Variants in RIMS2 observed in about 807,000 individuals in gnomAD.
RIMS2 encodes regulating synaptic membrane exocytosis 2.
Under a neutral mutation model 174.4 loss-of-function variants are expected in RIMS2, and 59 were observed. The ratio of observed to expected loss-of-function variants is 0.34; its 90% CI spans 0.27 to 0.42. The LOEUF is 0.42. RIMS2 is among the 10% of genes least tolerant of loss of function. The pLI is 1.00. For synonymous variants in RIMS2, 606 were observed against 572.5 expected, an observed-to-expected ratio of 1.06 and a Z score of -0.84; for missense variants, 1,620 against 1,666.3, an observed-to-expected ratio of 0.97 and a Z score of 0.48.
intron 12 of RIMS2, among the ~76,000 whole-genome samples, chr8:103,936,229 A>G (rs1231116199): frequency 6.6e-6 from 1 of 152,102 alleles, no homozygotes; most frequent in African/African-American, 2.4e-5. Flanking sequence ...CAATAGGGTG[A>G]TATTTTAAAA....
chr8:104,249,971 G>A (rs1016688293), intron 22 of RIMS2, among the ~76,000 whole-genome samples: 1 of 152,036 alleles, frequency 6.6e-6, no homozygotes, highest in Non-Finnish European at 1.5e-5. Context: ...ATAAGTCTCT[G>A]GAATTAGAAT....
intron 2 of RIMS2, among the ~76,000 whole-genome samples, chr8:103,739,790 CT>C (rs1488068201): frequency 1.3e-5 from 2 of 152,116 alleles, no homozygotes; most frequent in African/African-American, 2.4e-5. Flanking sequence ...CAAGGGATTC[CT>C]TTTTCTGCTT....
chr8:103,746,800 C>T (rs1421466657), intron 2 of RIMS2, among the ~76,000 whole-genome samples: 2 of 152,122 alleles, frequency 1.3e-5, no homozygotes, highest in Non-Finnish European at 2.9e-5. Flanking sequence ...CCTGCCTCAG[C>T]CTCCTGCGTA....
chr8:104,252,134 A>G, downstream of RIMS2: 1 of 361,174 alleles, frequency 2.8e-6, no homozygotes, highest in East Asian at 5.0e-5. Flanking sequence ...GCCCTTTTCA[A>G]TGGCACCTTT....
At chr8:103,750,595 G>T (rs552328944) in intron 2 of RIMS2, among the ~76,000 whole-genome samples, 1 of 152,238 alleles carries the variant, frequency 6.6e-6, no homozygotes, top group Admixed American at 6.5e-5. Flanking sequence ...CACGTGTCAA[G>T]TGTGGGACCA....
rs148935805 is a variant in RIMS2 at position 103,920,141 on chromosome 8, C to T, written c.2084-1531C>T. Among the ~76,000 whole-genome samples the T allele has an allele frequency of 2.6e-3, 399 of 152,250 alleles. 4 individuals are homozygous for T. The highest frequency in any genetic ancestry group is 9.0e-3 in the African/African-American group (373 of 41,554). The stretch of plus-strand genomic sequence containing the variant: ...GTTTCTGAGGAGACAGGGGTCCTTT[C>T]TCAGATTAGATCCAATCTTTTATTC... On this transcript the variant is annotated intron_variant, in intron 9 of 23. Coordinates refer to ENST00000504942, the Ensembl canonical transcript of RIMS2.
chr8:103,894,858 A>T (rs1565170857), intron 4 of RIMS2, among the ~76,000 whole-genome samples: 1 of 151,562 alleles, frequency 6.6e-6, no homozygotes, highest in Non-Finnish European at 1.5e-5. Flanking sequence ...GGCTCTTTAG[A>T]GAAAAAGTTT....
At chr8:104,167,525 GT>G (rs942377153) in intron 19 of RIMS2, among the ~76,000 whole-genome samples, 1 of 151,758 alleles carries the variant, frequency 6.6e-6, no homozygotes, top group Non-Finnish European at 1.5e-5. Context: ...TGGATTATTT[GT>G]TTTTTTCTTG....
intron 3 of RIMS2, among the ~76,000 whole-genome samples, chr8:103,786,941 G>C (rs1051251222): frequency 1.4e-4 from 21 of 151,750 alleles, no homozygotes; most frequent in Non-Finnish European, 2.5e-4. Flanking sequence ...CTTGCTCTAT[G>C]AATCTGGGTG....
At chr8:103,827,272 G>A (rs1435653872) in intron 3 of RIMS2, among the ~76,000 whole-genome samples, 1 of 152,028 alleles carries the variant, frequency 6.6e-6, no homozygotes, top group Non-Finnish European at 1.5e-5. Context: ...CGAGTTGTTT[G>A]CTGCTAGTAT....
At chr8:104,205,280 T>A (rs1239595149) in intron 19 of RIMS2, among the ~76,000 whole-genome samples, 1 of 152,156 alleles carries the variant, frequency 6.6e-6, no homozygotes, top group Non-Finnish European at 1.5e-5. Context: ...TCTCTCTTTC[T>A]CCCTCCTGTG....
intron 2 of RIMS2, among the ~76,000 whole-genome samples, chr8:103,757,010 T>TGAGA (rs375031125): frequency 8.7e-5 from 10 of 114,350 alleles, no homozygotes; most frequent in South Asian, 2.7e-4. Context: ...TGTGTGTGTG[T>TGAGA]GAGAGAGAGA....
At chr8:103,597,237 G>A (rs2094512992) in intron 1 of RIMS2, among the ~76,000 whole-genome samples, 2 of 152,096 alleles carry the variant, frequency 1.3e-5, no homozygotes, top group Admixed American at 1.3e-4. Context: ...GTGAGTTTTA[G>A]CTGCATATAA....
At chr8:104,077,121 G>A (rs1157062887) in intron 19 of RIMS2, among the ~76,000 whole-genome samples, 1 of 151,868 alleles carries the variant, frequency 6.6e-6, no homozygotes, top group Non-Finnish European at 1.5e-5. Context: ...CACCCAGCCA[G>A]ATTGTTTTCA....
chr8:104,003,656 C>T (rs367767364), intron 17 of RIMS2, among the ~76,000 whole-genome samples: 42 of 152,074 alleles, frequency 2.8e-4, no homozygotes, highest in East Asian at 2.1e-3. Context: ...TCAGGTGATC[C>T]GCCTGCTTTG....
chr8:103,989,533 T>A (rs751256190), intron 17 of RIMS2, 112 bp downstream of exon 19: 11 of 582,266 alleles, frequency 1.9e-5, no homozygotes, highest in Middle Eastern at 4.0e-4. Context: ...TCTGAAACAA[T>A]GTTTTTCTCT....
chr8:104,223,664 G>T, intron 19 of RIMS2: 1 of 1,591,022 alleles, frequency 6.3e-7, no homozygotes, highest in Non-Finnish European at 8.5e-7. Flanking sequence ...GGGCCGGCAG[G>T]GCTTGGGGGG....
chr8:103,707,501 G>C (rs183387722), intron 2 of RIMS2, among the ~76,000 whole-genome samples: 1 of 152,302 alleles, frequency 6.6e-6, no homozygotes, highest in East Asian at 1.9e-4. Context: ...GGCACTCTAA[G>C]CCCATGTGTG....
chr8:103,741,989 T>C (rs2097766544), intron 2 of RIMS2, among the ~76,000 whole-genome samples: 1 of 152,098 alleles, frequency 6.6e-6, no homozygotes, highest in Non-Finnish European at 1.5e-5. Context: ...CCCTGTTTAC[T>C]TACTCACCAC....
Sources: gnomAD v4.1 joint callset for allele counts (sites outside exome capture counted in the v4.1 genomes callset) on GRCh38, gnomAD v4.1.1 for gene constraint, MANE v1.5 for transcripts, NCBI Gene and HGNC (gene_info 2026-07-23, HGNC 2026-07-21) for gene names.